TRIM44: variants seen among roughly 807,000 people sequenced by gnomAD.
The protein encoded by TRIM44 is tripartite motif containing 44.
A neutral mutation model predicts 37.4 loss-of-function variants in TRIM44; 13 were observed. The ratio of observed to expected loss-of-function variants is 0.35; its 90% CI spans 0.23 to 0.55. TRIM44 has a LOEUF of 0.55. TRIM44 is among the 20% of genes least tolerant of loss of function. The pLI, the probability that TRIM44 is intolerant of heterozygous loss-of-function variation, is 0.89. For synonymous variants in TRIM44, 175 were observed against 157.2 expected (o/e 1.11, Z -0.85); for missense variants, 426 against 437.2 (o/e 0.97, Z 0.23).
At chr11:35,746,446 C>CTTTTTTTTTTTTTTTTTTT (rs5791065) in intron 4 of TRIM44, among the ~76,000 whole-genome samples, 2 of 93,194 alleles carry the variant, frequency 2.1e-5, no homozygotes, top group Non-Finnish European at 3.9e-5. Flanking sequence ...GGGGGTCCTT[C>CTTTTTTTTTTTTTTTTTTT]TTTTTTTTTT....
intron 1 of TRIM44, among the ~76,000 whole-genome samples, chr11:35,679,736 T>C (rs1285398061): frequency 6.6e-6 from 1 of 152,214 alleles, no homozygotes; most frequent in African/African-American, 2.4e-5. Context: ...TGCTAGCAAC[T>C]AACTTAAAAC....
intron 4 of TRIM44, among the ~76,000 whole-genome samples, chr11:35,770,608 T>C (rs943444702): frequency 1.3e-5 from 2 of 152,210 alleles, no homozygotes; most frequent in African/African-American, 4.8e-5. Flanking sequence ...AGATGGTATC[T>C]CATTGTGGTT....
At chr11:35,700,083 G>T (rs1042435671) in intron 2 of TRIM44, among the ~76,000 whole-genome samples, 2 of 152,114 alleles carry the variant, frequency 1.3e-5, no homozygotes, top group African/African-American at 4.8e-5. Flanking sequence ...TTTCTTCACA[G>T]AACTGGAAAA....
intron 1 of TRIM44, among the ~76,000 whole-genome samples, chr11:35,665,657 A>G (rs1232512688): frequency 7.4e-6 from 1 of 135,500 alleles, no homozygotes; most frequent in Non-Finnish European, 1.5e-5. Context: ...TACAGTGGCT[A>G]GATCTCAGCT....
chr11:35,776,941 G>T (rs562558773), intron 4 of TRIM44, among the ~76,000 whole-genome samples: 2 of 152,210 alleles, frequency 1.3e-5, no homozygotes, highest in East Asian at 1.9e-4. Context: ...GTTGATTTGG[G>T]GTGGAGAGTT....
rs188215077 is a variant in TRIM44, at chr11:35,776,303, A to C, written c.1008-30055A>C. ...TTGTATTTCTGTGGGATCAGTGGTGATATCCTCTTCATCATTTTTTATTGT... is the reference window on the plus strand; with the variant it reads ...TTGTATTTCTGTGGGATCAGTGGTGCTATCCTCTTCATCATTTTTTATTGT... On this transcript the variant is annotated intron_variant, in intron 4 of 4. Transcript: ENST00000299413. Among the ~76,000 whole-genome samples the C allele has an allele frequency of 9.2e-4, 140 of 152,122 alleles. 1 individual carries two copies. Among genetic ancestry groups the C allele is most frequent in the African/African-American group, 3.2e-3 (134 of 41,486 alleles).
At chr11:35,735,943 T>C (rs981932368) in intron 4 of TRIM44, among the ~76,000 whole-genome samples, 1 of 152,208 alleles carries the variant, frequency 6.6e-6, no homozygotes, top group Non-Finnish European at 1.5e-5. Context: ...AAAAATGTTC[T>C]TTGTGCTTCT....
chr11:35,806,577 T>C lies in TRIM44; in HGVS notation c.*192T>C, dbSNP rs919769652. On this transcript the variant is annotated 3_prime_UTR_variant, in exon 5 of 5. Coordinates refer to ENST00000299413, the MANE Select transcript of TRIM44 (RefSeq NM_017583.6). Reference sequence around the variant, plus strand: ...TTTTATGCTTACTGTGTGCTTCTCATCCCCTGGTTGTGGTAGGTCAAGGAA... The same window carrying C: ...TTTTATGCTTACTGTGTGCTTCTCACCCCCTGGTTGTGGTAGGTCAAGGAA... 25 of 602,244 alleles carry C rather than the reference T, an allele frequency of 4.2e-5. No homozygotes were observed. The highest frequency in any genetic ancestry group is 6.5e-5 in the Admixed American group (2 of 30,674). The allele number at this position is 602,244 out of a possible 1,614,324, so 37.3% of individuals were successfully genotyped here.
intron 4 of TRIM44, among the ~76,000 whole-genome samples, chr11:35,742,109 A>T (rs1276218196): frequency 1.3e-5 from 2 of 151,768 alleles, no homozygotes; most frequent in African/African-American, 2.4e-5. Context: ...TGCCTGGCTA[A>T]TTTTTTTATT....
At position 35,806,913 on chromosome 11, in the gene TRIM44, A is replaced by C. The variant is rs369365527; in HGVS notation, c.*528A>C. 6.5e-6 allele frequency: 1 copy of C among 152,816 alleles called. No homozygotes were observed. The highest frequency in any genetic ancestry group is 2.1e-4 in the South Asian group (1 of 4,842). The allele number at this position is 152,816 out of a possible 1,614,324, so 9.5% of individuals were successfully genotyped here. ...TGTGAAAATTGTGGTGCCATGAATT[A>C]AGATGGATGACTGGAAAAAGGTGTT... On this transcript the variant is annotated 3_prime_UTR_variant, in exon 5 of 5. Transcript: ENST00000299413.
rs556479096 is a variant in TRIM44, at chr11:35,725,870, C to G, written c.748-54C>G. ...AGGGCTGTATAGTAATAACTCTGCC[C>G]TTTTGTTTCTTTGTATGTTCAACTT... On this transcript the variant is annotated intron_variant, in intron 2 of 4. Transcript: ENST00000299413. 56 of 1,593,666 alleles carry G rather than the reference C, an allele frequency of 3.5e-5. No individual in the cohort carries two copies. In the East Asian group the frequency reaches 1.2e-3, roughly 34 times the overall value.
intron 4 of TRIM44, among the ~76,000 whole-genome samples, chr11:35,751,638 T>A (rs1294838925): frequency 6.6e-6 from 1 of 152,232 alleles, no homozygotes; most frequent in East Asian, 1.9e-4. Context: ...TCTTATACCC[T>A]TTAAAAGCGT....
intron 4 of TRIM44, among the ~76,000 whole-genome samples, chr11:35,768,046 G>A (rs561091818): frequency 6.6e-6 from 1 of 152,298 alleles, no homozygotes; most frequent in East Asian, 1.9e-4. Flanking sequence ...CACATAGAGG[G>A]ACCTTTGGGG....
intron 4 of TRIM44, among the ~76,000 whole-genome samples, chr11:35,786,512 A>G (rs937113401): frequency 1.3e-5 from 2 of 152,182 alleles, no homozygotes; most frequent in South Asian, 2.1e-4. Context: ...AGTAACAGCT[A>G]CTGAGGCCTG....
rs1853561982 is a variant in TRIM44 at position 35,814,652 on chromosome 11, C to G, written c.*8267C>G. 6.6e-6 allele frequency: 1 copy of G among 152,156 alleles called. No homozygotes were observed. Among genetic ancestry groups the G allele is most frequent in the Non-Finnish European group, 1.5e-5 (1 of 68,030 alleles). 9.4% of individuals were successfully genotyped at this position (152,156 alleles called of 1,614,324 possible). On this transcript the variant is annotated 3_prime_UTR_variant, in exon 5 of 5. Transcript: ENST00000299413. ...GATTATATATAGAGATGGTCTAAATCAGCTGCATCCCATTTGGTACCCAGG... is the reference window on the plus strand; with the variant it reads ...GATTATATATAGAGATGGTCTAAATGAGCTGCATCCCATTTGGTACCCAGG...
At chr11:35,685,935 T>C (rs190596984) in intron 2 of TRIM44, among the ~76,000 whole-genome samples, 1 of 152,318 alleles carries the variant, frequency 6.6e-6, no homozygotes, top group African/African-American at 2.4e-5. Context: ...GTGCTGGGAC[T>C]ACAGGTGTGA....
At chr11:35,757,239 A>G (rs1590574079) in intron 4 of TRIM44, among the ~76,000 whole-genome samples, 1 of 152,138 alleles carries the variant, frequency 6.6e-6, no homozygotes, top group African/African-American at 2.4e-5. Context: ...GGGAGGGCGT[A>G]TGTGTTGAGG....
At chr11:35,738,436 T>C (rs931646923) in intron 4 of TRIM44, among the ~76,000 whole-genome samples, 1 of 152,184 alleles carries the variant, frequency 6.6e-6, no homozygotes, top group African/African-American at 2.4e-5. Flanking sequence ...TCCATTGGAC[T>C]AGGAGTTGAC....
intron 2 of TRIM44, among the ~76,000 whole-genome samples, chr11:35,692,128 A>G (rs764095244): frequency 4.6e-5 from 7 of 152,172 alleles, no homozygotes; most frequent in Non-Finnish European, 1.0e-4. Context: ...ATAAAGAAGA[A>G]AGAAATAAAA....
Sources: allele counts gnomAD v4.1 joint callset (sites outside exome capture counted in the v4.1 genomes callset), GRCh38; gene constraint gnomAD v4.1.1; transcripts MANE v1.5; gene names NCBI Gene and HGNC (gene_info 2026-07-23, HGNC 2026-07-21).